Variants in ZNF618 observed in about 807,000 individuals in gnomAD.
ZNF618 encodes neural precursor cell expressed, developmentally down-regulated 10.
A neutral mutation model predicts 103.0 loss-of-function variants in ZNF618; 34 were observed. The ratio of observed to expected loss-of-function variants is 0.33; its 90% CI spans 0.25 to 0.44. The LOEUF (loss-of-function observed/expected upper bound fraction) is 0.44, where lower values mean the gene tolerates loss of function less well. Ranked by LOEUF, ZNF618 falls within the 20% of genes least tolerant of loss-of-function variation. ZNF618 has a pLI of 1.00. For synonymous variants in ZNF618, 551 were observed against 542.2 expected (o/e 1.02, Z -0.23); for missense variants, 1,059 against 1,295.4 (o/e 0.82, Z 2.80).
intron 1 of ZNF618, among the ~76,000 whole-genome samples, chr9:113,922,477 GTTTT>G (rs71367740): frequency 7.5e-6 from 1 of 132,970 alleles, no homozygotes. Flanking sequence ...GTTTTGGTTT[GTTTT>G]TTTTTTTTTT....
intron 1 of ZNF618, among the ~76,000 whole-genome samples, chr9:113,914,244 T>C (rs994152908): frequency 6.6e-6 from 1 of 152,216 alleles, no homozygotes; most frequent in African/African-American, 2.4e-5. Context: ...AGGTAGTGTC[T>C]AAGTCTTCTA....
At chr9:113,909,520 C>G (rs1321437123) in intron 1 of ZNF618, among the ~76,000 whole-genome samples, 1 of 152,118 alleles carries the variant, frequency 6.6e-6, no homozygotes, top group East Asian at 1.9e-4. Flanking sequence ...GTCCAGAAAC[C>G]TTGGGGTGTC....
chr9:113,928,029 T>C (rs952553337), intron 1 of ZNF618, among the ~76,000 whole-genome samples: 4 of 152,268 alleles, frequency 2.6e-5, no homozygotes, highest in African/African-American at 9.6e-5. Flanking sequence ...GTTTTTTTCT[T>C]GTTACGAGGC....
intron 1 of ZNF618, among the ~76,000 whole-genome samples, chr9:113,910,343 G>GTTCCTGCTCTTCACTCTGTAATTATTGA (rs1831418868): frequency 6.6e-6 from 1 of 152,110 alleles, no homozygotes; most frequent in African/African-American, 2.4e-5. Context: ...TGTTCACCTG[G>GTTCCTGCTCTTCACTCTGTAATTATTGA]TTCCTGCTCT....
chr9:113,973,200 T>G (rs1175550337), intron 2 of ZNF618, among the ~76,000 whole-genome samples: 1 of 152,170 alleles, frequency 6.6e-6, no homozygotes. Context: ...ATTTAATCCT[T>G]CTTCAGATGG....
chr9:113,932,207 G>C (rs138856584), intron 1 of ZNF618, among the ~76,000 whole-genome samples: 1 of 152,326 alleles, frequency 6.6e-6, no homozygotes, highest in Non-Finnish European at 1.5e-5. Context: ...CTGATAAACA[G>C]AGGCGTGCAT....
chr9:113,932,140 CAG>C (rs1224851987), intron 1 of ZNF618, among the ~76,000 whole-genome samples: 2 of 152,118 alleles, frequency 1.3e-5, no homozygotes, highest in African/African-American at 2.4e-5. Flanking sequence ...TTGGGATAGA[CAG>C]GGGCAGGTAA....
intron 1 of ZNF618, among the ~76,000 whole-genome samples, chr9:113,885,027 G>A (rs1828933254): frequency 6.6e-6 from 1 of 152,188 alleles, no homozygotes. Context: ...GTTATAATTA[G>A]ATACCCTTGG....
In ZNF618 at chr9:113,969,616, C is replaced by T. The variant is rs963300185; in HGVS notation, c.77+456C>T. On this transcript the variant is annotated intron_variant, in intron 2 of 14. Coordinates refer to ENST00000374126, the MANE Select transcript of ZNF618 (RefSeq NM_001318042.2). ...CTGATTAGCCAGGGTGGAGAGGGGG[C>T]GGCCTTTCCTCACCCTCAAGGATGG... 3.9e-5 allele frequency among the ~76,000 whole-genome samples: 6 copies of T among 152,178 alleles called. No individual in the cohort carries two copies. In the East Asian group the frequency reaches 9.6e-4, roughly 24 times the overall value.
At position 113,882,743 on chromosome 9, in the gene ZNF618, A is replaced by G. The variant is rs117894441; in HGVS notation, c.33+6330A>G. ...AAGGCTTTAAAAGGGATACATCTCA[A>G]TCGCGGGTGGACCTGTATGTCTTTG... On this transcript the variant is annotated intron_variant, in intron 1 of 14. Coordinates refer to ENST00000374126, the MANE Select transcript of ZNF618 (RefSeq NM_001318042.2). Among the ~76,000 whole-genome samples the G allele has an allele frequency of 2.4e-4, 36 of 152,316 alleles. No individual in the cohort carries two copies. In the East Asian group the frequency reaches 6.4e-3, roughly 27 times the overall value.
At chr9:113,996,770 C>T (rs1410541102) in intron 3 of ZNF618, among the ~76,000 whole-genome samples, 1 of 152,172 alleles carries the variant, frequency 6.6e-6, no homozygotes, top group Non-Finnish European at 1.5e-5. Context: ...TCTGGGGAGT[C>T]CTGTGGCAGC....
intron 2 of ZNF618, among the ~76,000 whole-genome samples, chr9:113,986,558 C>G (rs1455922212): frequency 1.3e-5 from 2 of 152,192 alleles, no homozygotes; most frequent in Non-Finnish European, 2.9e-5. Context: ...GTCACTGTGT[C>G]CTCACGTGGG....
At chr9:113,984,378 A>T (rs1007971355) in intron 2 of ZNF618, among the ~76,000 whole-genome samples, 2 of 152,114 alleles carry the variant, frequency 1.3e-5, no homozygotes, top group Admixed American at 6.5e-5. Flanking sequence ...ATGGAAATGC[A>T]CTCTGTGCCC....
intron 1 of ZNF618, among the ~76,000 whole-genome samples, chr9:113,938,952 CT>C (rs1564192836): frequency 6.6e-6 from 1 of 151,630 alleles, no homozygotes; most frequent in Non-Finnish European, 1.5e-5. Flanking sequence ...TATCTGGTTA[CT>C]TTGCCAAATT....
At chr9:113,880,925 G>A (rs1433995037) in intron 1 of ZNF618, among the ~76,000 whole-genome samples, 1 of 152,196 alleles carries the variant, frequency 6.6e-6, no homozygotes, top group Non-Finnish European at 1.5e-5. Flanking sequence ...GGTGAACCCT[G>A]TGGGTTAGGT....
intron 9 of ZNF618, chr9:114,015,972 C>T: frequency 1.4e-6 from 1 of 710,816 alleles, no homozygotes; most frequent in Non-Finnish European, 2.4e-6. Context: ...CCAGATGAGA[C>T]AGAATGAAGA....
chr9:113,959,236 G>A (rs1447031540), intron 1 of ZNF618, among the ~76,000 whole-genome samples: 2 of 151,936 alleles, frequency 1.3e-5, no homozygotes, highest in Admixed American at 1.3e-4. Context: ...GCGGTGAGCC[G>A]AGATTGCGCC....
chr9:114,043,707 A>G (rs930884413), intron 13 of ZNF618, among the ~76,000 whole-genome samples: 1 of 152,144 alleles, frequency 6.6e-6, no homozygotes, highest in African/African-American at 2.4e-5. Flanking sequence ...CCATGCCAAC[A>G]TCTATTATTT....
At chr9:114,019,227 T>C (rs1842881840) in intron 10 of ZNF618, among the ~76,000 whole-genome samples, 1 of 152,230 alleles carries the variant, frequency 6.6e-6, no homozygotes, top group East Asian at 1.9e-4. Context: ...TGTATGAAAA[T>C]ACCGTTTGTT....
Sources: allele counts gnomAD v4.1 joint callset (sites outside exome capture counted in the v4.1 genomes callset), GRCh38; gene constraint gnomAD v4.1.1; transcripts MANE v1.5; gene names NCBI Gene and HGNC (gene_info 2026-07-23, HGNC 2026-07-21).